The following RSPH1 variants were observed in gnomAD, a reference collection of about 807,000 sequenced individuals.
RSPH1 encodes radial spoke head 1 homolog.
A neutral mutation model predicts 44.2 loss-of-function variants in RSPH1; 32 were observed. The observed-to-expected ratio is 0.72, with a 90% confidence interval of 0.55 to 0.97. The LOEUF is 0.97. Among genes scored for constraint, RSPH1 ranks in the 50% least tolerant of loss-of-function variants. The pLI is 0.00. For synonymous variants in RSPH1, 134 were observed against 147.3 expected, an observed-to-expected ratio of 0.91 and a Z score of 0.65; for missense variants, 391 against 398.7, an observed-to-expected ratio of 0.98 and a Z score of 0.16.
chr21:42,486,179 C>G, intron 4 of RSPH1, 192 bp downstream of exon 4: 1 of 596,500 alleles, frequency 1.7e-6, no homozygotes, highest in Middle Eastern at 2.7e-4. Flanking sequence ...GTGCAGATGT[C>G]AGATACTTGA....
At chr21:42,480,391 C>T (rs2054113551) in intron 6 of RSPH1, among the ~76,000 whole-genome samples, 2 of 152,136 alleles carry the variant, frequency 1.3e-5, no homozygotes, top group African/African-American at 4.8e-5. Flanking sequence ...CCTATAGTCC[C>T]ACCACTTTGG....
intron 3 of RSPH1, 142 bp downstream of exon 3, chr21:42,492,616 T>C: frequency 1.6e-6 from 1 of 614,784 alleles, no homozygotes; most frequent in Non-Finnish European, 2.9e-6. Flanking sequence ...ACTGTGAATA[T>C]AGTAACACGA....
At chr21:42,484,112 A>G (rs979350091) in intron 5 of RSPH1, among the ~76,000 whole-genome samples, 5 of 152,254 alleles carry the variant, frequency 3.3e-5, no homozygotes, top group Non-Finnish European at 5.9e-5. Context: ...CAAACCAGCA[A>G]TAAACATGTG....
intron 1 of RSPH1, chr21:42,495,899 T>TG (rs1352716596): frequency 5.6e-6 from 3 of 532,166 alleles, no homozygotes; most frequent in African/African-American, 1.9e-5. Flanking sequence ...AGGATGGGGG[T>TG]GGGGGAAGAA....
At chr21:42,495,220 C>T (rs1311224344) in intron 1 of RSPH1, among the ~76,000 whole-genome samples, 1 of 152,202 alleles carries the variant, frequency 6.6e-6, no homozygotes, top group Admixed American at 6.5e-5. Context: ...GCACTTCTGG[C>T]TCTCCATACT....
At chr21:42,480,183 T>A (rs1461948718) in intron 6 of RSPH1, among the ~76,000 whole-genome samples, 1 of 152,110 alleles carries the variant, frequency 6.6e-6, no homozygotes, top group African/African-American at 2.4e-5. Context: ...GTGGCTGAGG[T>A]CAGGGCCGAG....
intron 6 of RSPH1, among the ~76,000 whole-genome samples, chr21:42,478,514 CAGGTGAAGCTGACAG>C (rs1356291554): frequency 4.6e-5 from 7 of 152,200 alleles, no homozygotes; most frequent in Non-Finnish European, 8.8e-5. Context: ...AACAGATTCC[CAGGTGAAGCTGACAG>C]CACTAGTTTG....
chr21:42,475,596 AGAAAGC>A (rs2054038059), intron 8 of RSPH1, among the ~76,000 whole-genome samples: 1 of 148,210 alleles, frequency 6.7e-6, no homozygotes. Flanking sequence ...ATGCAACAGA[AGAAAGC>A]CAGGCTCTGC....
intron 4 of RSPH1, chr21:42,486,040 T>C: frequency 1.7e-6 from 1 of 598,934 alleles, no homozygotes; most frequent in Non-Finnish European, 2.9e-6. Flanking sequence ...CTCCTGTGTG[T>C]CAGCTGCTTT....
At chr21:42,480,637 T>A (rs1299931026) in intron 6 of RSPH1, among the ~76,000 whole-genome samples, 2 of 63,306 alleles carry the variant, frequency 3.2e-5, no homozygotes, top group Admixed American at 2.9e-4. Context: ...CGAAACTCCA[T>A]CTCAAAAAAA....
intron 6 of RSPH1, among the ~76,000 whole-genome samples, chr21:42,481,843 C>G (rs925851679): frequency 1.3e-5 from 2 of 152,116 alleles, no homozygotes. Flanking sequence ...TATTAGCTGA[C>G]TAGCTTTACT....
intron 5 of RSPH1, among the ~76,000 whole-genome samples, chr21:42,483,696 T>G (rs537827846): frequency 6.6e-6 from 1 of 152,328 alleles, no homozygotes; most frequent in East Asian, 1.9e-4. Context: ...AACCTATTGG[T>G]TTTTCCTTTC....
chr21:42,482,960 A>C (rs2054143967), intron 5 of RSPH1, among the ~76,000 whole-genome samples: 1 of 152,228 alleles, frequency 6.6e-6, no homozygotes. Flanking sequence ...AACCTCAGTG[A>C]ATCAGTATCC....
At chr21:42,473,355 G>A (rs960594920) in intron 8 of RSPH1, among the ~76,000 whole-genome samples, 3 of 152,126 alleles carry the variant, frequency 2.0e-5, no homozygotes, top group Non-Finnish European at 2.9e-5. Context: ...GCTGGGCATG[G>A]TGGTACATGC....
Position 42,477,324 on chromosome 21 carries a change from C to A in RSPH1, c.694G>T (p.Asp232Tyr). The A allele has an allele frequency of 3.1e-6, 5 of 1,614,166 alleles. No individual in the cohort carries two copies. The highest frequency in any genetic ancestry group is 4.2e-6 in the Non-Finnish European group (5 of 1,180,010). ...CCTGGAGCGTCTTGGCCAGGTCCAT[C>A]CGTAGAGGTCGGCTTTTTGGGGAGA... ...PTLPKKPTST[D>Y]GPGQDAPGAE... Residue 232 changes from aspartate to tyrosine, a missense_variant, in exon 7 of 9, where the codon GAT (aspartate) becomes TAT (tyrosine). Coordinates refer to ENST00000291536, the MANE Select transcript of RSPH1 (RefSeq NM_080860.4).
At chr21:42,493,915 T>C (rs762075945) in intron 1 of RSPH1, among the ~76,000 whole-genome samples, 2 of 152,208 alleles carry the variant, frequency 1.3e-5, no homozygotes, top group Non-Finnish European at 2.9e-5. Flanking sequence ...CATTCCCAGC[T>C]AATTTCAAAA....
intron 5 of RSPH1, 23 bp from the exon 6 acceptor site, chr21:42,482,731 CT>C (rs1226010300): frequency 1.3e-6 from 2 of 1,581,836 alleles, no homozygotes; most frequent in East Asian, 4.5e-5. Flanking sequence ...AGAAACCATT[CT>C]TAAGTGTCAA....
chr21:42,484,583 G>A (rs546074903), intron 5 of RSPH1: 13 of 152,300 alleles, frequency 8.5e-5, no homozygotes, highest in African/African-American at 3.1e-4. Context: ...CAGGATCCTA[G>A]TGTTTAAATG....
chr21:42,489,265 C>CTGGT (rs746532824), intron 3 of RSPH1, among the ~76,000 whole-genome samples: 161 of 130,944 alleles, frequency 1.2e-3, no homozygotes, highest in Non-Finnish European at 1.6e-3. Flanking sequence ...GGCTGGTTGG[C>CTGGT]TGGTTGGTTG....
Sources: allele counts gnomAD v4.1 joint callset (sites outside exome capture counted in the v4.1 genomes callset), GRCh38; gene constraint gnomAD v4.1.1; transcripts MANE v1.5; gene names NCBI Gene and HGNC (gene_info 2026-07-23, HGNC 2026-07-21).